NCOA2: variants seen among roughly 807,000 people sequenced by gnomAD.
The protein encoded by NCOA2 is class E basic helix-loop-helix protein 75.
A neutral mutation model predicts 145.1 loss-of-function variants in NCOA2; 21 were observed. The observed-to-expected ratio is 0.14, with a 90% confidence interval of 0.10 to 0.21. NCOA2 has a LOEUF of 0.21. Ranked by LOEUF, NCOA2 falls within the 10% of genes least tolerant of loss-of-function variation. The pLI, the probability that NCOA2 is intolerant of heterozygous loss-of-function variation, is 1.00. For synonymous variants in NCOA2, 619 were observed against 637.5 expected (o/e 0.97, Z 0.44); for missense variants, 1,472 against 1,837.6 (o/e 0.80, Z 3.64).
At chr8:70,194,291 C>T (rs1042393179) in intron 4 of NCOA2, among the ~76,000 whole-genome samples, 1 of 152,194 alleles carries the variant, frequency 6.6e-6, no homozygotes, top group Non-Finnish European at 1.5e-5. Context: ...AAACACACTG[C>T]ATACGGTCTT....
At chr8:70,278,376 T>C (rs1394907769) in intron 2 of NCOA2, among the ~76,000 whole-genome samples, 2 of 152,200 alleles carry the variant, frequency 1.3e-5, no homozygotes, top group African/African-American at 4.8e-5. Flanking sequence ...AACATTCTCA[T>C]ATTCACGTTC....
At chr8:70,173,659 T>C (rs1814496120) in intron 5 of NCOA2, among the ~76,000 whole-genome samples, 1 of 152,318 alleles carries the variant, frequency 6.6e-6, no homozygotes, top group East Asian at 1.9e-4. Context: ...GGGCCAACAC[T>C]GGGACATTTA....
At position 70,127,024 on chromosome 8, in the gene NCOA2, C is replaced by T; in HGVS notation, c.3705G>A (p.Leu1235=). The T allele has an allele frequency of 6.2e-7, 1 of 1,611,550 alleles. No individual in the cohort carries two copies. Residue 1235 remains leucine (L), a synonymous_variant, in exon 19 of 23, where the codon CTG becomes CTA. Coordinates refer to ENST00000452400, the MANE Select transcript of NCOA2 (RefSeq NM_006540.4). ...TCAGGATTTCCCTCTGTCTCTGGGC[C>T]AGCATCTGTGCATTAATAGGTGCCT... ...PTQAPINAQM[L]AQRQREILNQ... is the part of the protein sequence containing the mutation.
At chr8:70,417,220 C>T in the NCOA2 span, among the ~76,000 whole-genome samples, 3 of 111,472 alleles carry the variant, frequency 2.7e-5, no homozygotes, top group Admixed American at 3.4e-4. Context: ...TCAGCCTGGA[C>T]AACATAGTGA....
At chr8:70,442,123 G>GAA in the NCOA2 span, among the ~76,000 whole-genome samples, 1 of 111,174 alleles carries the variant, frequency 9.0e-6, no homozygotes, top group Non-Finnish European at 1.8e-5. Context: ...AAAGAAGAAA[G>GAA]AAAGAAAGAA....
At chr8:70,284,163 G>A (rs1586365596) in intron 2 of NCOA2, among the ~76,000 whole-genome samples, 1 of 152,140 alleles carries the variant, frequency 6.6e-6, no homozygotes, top group Non-Finnish European at 1.5e-5. Flanking sequence ...GGGGTCCACA[G>A]GTAACATGCT....
chr8:70,116,924 G>A (rs987131233), intron 22 of NCOA2, among the ~76,000 whole-genome samples: 2 of 152,236 alleles, frequency 1.3e-5, no homozygotes, highest in African/African-American at 4.8e-5. Flanking sequence ...GCTGTTCACA[G>A]GTGTAGTCAT....
the NCOA2 span, among the ~76,000 whole-genome samples, chr8:70,455,673 A>AT: frequency 0.014 from 1,962 of 138,670 alleles, 22 homozygotes; most frequent in African/African-American, 0.031. Flanking sequence ...CGAGTCCTTC[A>AT]TTTTTTTTTT....
intron 2 of NCOA2, among the ~76,000 whole-genome samples, chr8:70,260,335 G>A (rs1237848926): frequency 6.6e-6 from 1 of 151,986 alleles, no homozygotes; most frequent in African/African-American, 2.4e-5. Flanking sequence ...GTTTCACCAC[G>A]TTGCCCAAGC....
At chr8:70,444,297 T>C in the NCOA2 span, among the ~76,000 whole-genome samples, 1 of 152,096 alleles carries the variant, frequency 6.6e-6, no homozygotes, top group Non-Finnish European at 1.5e-5. Flanking sequence ...AATGACAAAA[T>C]TACAGAGATG....
At chr8:70,161,556 T>C (rs1813004299) in intron 9 of NCOA2, among the ~76,000 whole-genome samples, 1 of 152,170 alleles carries the variant, frequency 6.6e-6, no homozygotes, top group Admixed American at 6.5e-5. Flanking sequence ...GAGAAACAGG[T>C]CATTTATTAA....
the NCOA2 span, among the ~76,000 whole-genome samples, chr8:70,418,429 G>A: frequency 6.6e-6 from 1 of 152,070 alleles, no homozygotes; most frequent in Non-Finnish European, 1.5e-5. Context: ...GTGAATAGGA[G>A]GTCCCGTTCT....
At position 70,162,706 on chromosome 8, in the gene NCOA2, C is replaced by T; in HGVS notation, c.976+5G>A. On this transcript the variant is annotated splice_donor_5th_base_variant and intron_variant, in intron 9 of 22. Transcript: ENST00000452400. The stretch of plus-strand genomic sequence containing the variant: ...ATTTAAGAAAAATCATTTAGAGATG[C>T]TTACCTTCATGATGATGCCTCTTAG... 2.5e-6 allele frequency: 4 copies of T among 1,602,110 alleles called. No homozygotes were observed. Among genetic ancestry groups the T allele is most frequent in the Non-Finnish European group, 3.4e-6 (4 of 1,174,978 alleles).
At chr8:70,330,216 A>ATGATAATGATGATG in intron 1 of NCOA2, among the ~76,000 whole-genome samples, 1 of 150,908 alleles carries the variant, frequency 6.6e-6, no homozygotes, top group Admixed American at 6.6e-5. Flanking sequence ...TGATGATGAT[A>ATGATAATGATGATG]ATGATGATGA....
the NCOA2 span, among the ~76,000 whole-genome samples, chr8:70,422,193 A>T: frequency 2.6e-5 from 4 of 152,114 alleles, no homozygotes; most frequent in African/African-American, 7.2e-5. Context: ...CTGGGGCCCA[A>T]ATTTCTTTTC....
chr8:70,370,053 TTTTTTA>T (rs1242544503), intron 1 of NCOA2, among the ~76,000 whole-genome samples: 6 of 152,108 alleles, frequency 3.9e-5, no homozygotes, highest in Non-Finnish European at 8.8e-5. Context: ...AAAGGGCTAC[TTTTTTA>T]TTTTTTTGTA....
At chr8:70,252,089 C>T (rs1374095270) in intron 2 of NCOA2, among the ~76,000 whole-genome samples, 1 of 152,132 alleles carries the variant, frequency 6.6e-6, no homozygotes, top group African/African-American at 2.4e-5. Context: ...AAAATTTGTA[C>T]TATTTTTATT....
chr8:70,363,931 C>G (rs1391859669), intron 1 of NCOA2, among the ~76,000 whole-genome samples: 1 of 150,558 alleles, frequency 6.6e-6, no homozygotes, highest in African/African-American at 2.5e-5. Context: ...GTATGGGAAA[C>G]AAAACCCCTC....
chr8:70,399,906 T>C lies in NCOA2; in HGVS notation c.-77+3794A>G, dbSNP rs923372016. Among the ~76,000 whole-genome samples, 18 of 152,222 alleles carry C rather than the reference T, an allele frequency of 1.2e-4. 1 individual carries two copies. Among genetic ancestry groups the C allele is most frequent in the Admixed American group, 9.2e-4 (14 of 15,278 alleles). On this transcript the variant is annotated intron_variant, in intron 1 of 22. Coordinates refer to ENST00000452400, the MANE Select transcript of NCOA2 (RefSeq NM_006540.4). ...CAACTTATGGGTCACATTTCAACCT[T>C]ATGTAATTTGAAACAGCTACGGTAC...
Sources: gnomAD v4.1 joint callset for allele counts (sites outside exome capture counted in the v4.1 genomes callset) on GRCh38, gnomAD v4.1.1 for gene constraint, MANE v1.5 for transcripts, NCBI Gene and HGNC (gene_info 2026-07-23, HGNC 2026-07-21) for gene names.